Variants in LY86 observed in about 807,000 individuals in gnomAD.
The protein encoded by LY86 is lymphocyte antigen 86.
LY86 carries 20 observed loss-of-function variants against 17.3 expected under a neutral mutation model. The observed-to-expected ratio is 1.15, with a 90% CI of 0.81 to 1.68. The LOEUF (loss-of-function observed/expected upper bound fraction) is 1.68. Among genes scored for constraint, LY86 ranks in the 40% most tolerant of loss-of-function variants. The pLI is 0.00. For missense variants in LY86, 200 were observed against 191.9 expected, an observed-to-expected ratio of 1.04 and a Z score of -0.25; for synonymous variants, 74 against 70.6, an observed-to-expected ratio of 1.05 and a Z score of -0.24.
chr6:6,640,067 A>C (rs988452090), intron 3 of LY86, among the ~76,000 whole-genome samples: 2 of 152,116 alleles, frequency 1.3e-5, no homozygotes, highest in Non-Finnish European at 1.5e-5. Flanking sequence ...GGCTTCCCTT[A>C]TTGGGCCATT....
intron 1 of LY86, among the ~76,000 whole-genome samples, chr6:6,624,401 T>TGGGATGGGATGGGATGGGATGGGAG (rs1358975139): frequency 1.1e-5 from 1 of 91,310 alleles, no homozygotes; most frequent in African/African-American, 5.2e-5. Flanking sequence ...TGGGATGGGA[T>TGGGATGGGATGGGATGGGATGGGAG]GGGATGGGTT....
intron 1 of LY86, among the ~76,000 whole-genome samples, chr6:6,604,934 T>C (rs1386953279): frequency 2.0e-5 from 3 of 149,864 alleles, no homozygotes; most frequent in East Asian, 2.0e-4. Flanking sequence ...AAAGAGAAAA[T>C]AACAATCAAC....
intron 1 of LY86, among the ~76,000 whole-genome samples, chr6:6,596,517 A>G (rs4960218): frequency 0.77 from 117,221 of 152,164 alleles, 47,475 homozygotes; most frequent in Non-Finnish European, 0.9. Flanking sequence ...AGGATATAAA[A>G]GTATAATTTA....
Position 6,640,390 on chromosome 6 carries a change from T to A in LY86, c.353-9235T>A, listed in dbSNP as rs574339903. ...CTGGGCAACATAGAGAAACCCCATC[T>A]CTGGAAAAAAATAAAAATAAAAAAA... On this transcript the variant is annotated intron_variant, in intron 3 of 4. Transcript: ENST00000230568. Among the ~76,000 whole-genome samples the A allele has an allele frequency of 1.2e-4, 18 of 149,302 alleles. No individual in the cohort carries two copies. In the East Asian group the frequency reaches 3.5e-3, roughly 29 times the overall value.
chr6:6,605,726 TAC>T (rs1224176662), intron 1 of LY86, among the ~76,000 whole-genome samples: 2 of 152,254 alleles, frequency 1.3e-5, no homozygotes, highest in Non-Finnish European at 2.9e-5. Flanking sequence ...CGGTGAGTGT[TAC>T]AGTTCTTAAA....
chr6:6,639,896 CTG>C (rs1381141011), intron 3 of LY86, among the ~76,000 whole-genome samples: 3 of 152,160 alleles, frequency 2.0e-5, no homozygotes, highest in African/African-American at 4.8e-5. Flanking sequence ...AGGCCCAAAA[CTG>C]TGTATAATAC....
At chr6:6,605,096 A>C (rs1761061123) in intron 1 of LY86, among the ~76,000 whole-genome samples, 1 of 152,124 alleles carries the variant, frequency 6.6e-6, no homozygotes, top group Admixed American at 6.5e-5. Flanking sequence ...GGGTACTTGA[A>C]ATGACCCCAG....
intron 3 of LY86, among the ~76,000 whole-genome samples, chr6:6,645,577 G>A (rs1008248057): frequency 6.6e-6 from 1 of 151,944 alleles, no homozygotes; most frequent in African/African-American, 2.4e-5. Context: ...ACAGCAATTT[G>A]TAGAATTTGT....
intron 1 of LY86, among the ~76,000 whole-genome samples, chr6:6,616,829 C>A (rs530941927): frequency 6.6e-6 from 1 of 152,328 alleles, no homozygotes; most frequent in South Asian, 2.1e-4. Flanking sequence ...GTCACGTAAA[C>A]CACCCTGTGC....
chr6:6,593,406 T>C (rs139911532), intron 1 of LY86, among the ~76,000 whole-genome samples: 4 of 134,162 alleles, frequency 3.0e-5, no homozygotes, highest in East Asian at 2.7e-4. Context: ...CTGCAAAGTC[T>C]CTTTTGCCAA....
chr6:6,592,736 G>C (rs1169979101), intron 1 of LY86, among the ~76,000 whole-genome samples: 1 of 152,194 alleles, frequency 6.6e-6, no homozygotes, highest in Admixed American at 6.5e-5. Flanking sequence ...ATGAGAAGGT[G>C]GCTGTCTGTA....
chr6:6,653,112 G>A (rs1005384), intron 4 of LY86, among the ~76,000 whole-genome samples: 23,348 of 152,122 alleles, frequency 0.15, 1,909 homozygotes, highest in South Asian at 0.23. Flanking sequence ...TGTGACTCAT[G>A]GGAGCGTCTA....
At chr6:6,606,162 T>A (rs570788532) in intron 1 of LY86, among the ~76,000 whole-genome samples, 1 of 152,136 alleles carries the variant, frequency 6.6e-6, no homozygotes, top group Admixed American at 6.5e-5. Flanking sequence ...AGGGCACTGA[T>A]TGGTGCGTTT....
intron 3 of LY86, among the ~76,000 whole-genome samples, chr6:6,641,220 A>C (rs1762034826): frequency 6.6e-6 from 1 of 152,262 alleles, no homozygotes. Context: ...TCCTCCAACA[A>C]ACGGCCATTT....
chr6:6,588,978 C>A, intron 1 of LY86, 108 bp downstream of exon 1: 1 of 1,369,402 alleles, frequency 7.3e-7, no homozygotes, highest in Non-Finnish European at 9.8e-7. Flanking sequence ...AGGGGACCAG[C>A]AGCTGAACAC....
chr6:6,603,615 C>CAAAA (rs1221531073), intron 1 of LY86, among the ~76,000 whole-genome samples: 4 of 114,170 alleles, frequency 3.5e-5, no homozygotes, highest in East Asian at 2.5e-4. Context: ...GAAAAAAAAA[C>CAAAA]AAACAAAAAA....
At chr6:6,651,123 C>T (rs1762180510) in intron 4 of LY86, among the ~76,000 whole-genome samples, 1 of 152,310 alleles carries the variant, frequency 6.6e-6, no homozygotes, top group East Asian at 1.9e-4. Flanking sequence ...TTCATCCATA[C>T]ATAGACACTT....
chr6:6,593,593 G>T (rs542090041), intron 1 of LY86, among the ~76,000 whole-genome samples: 3 of 152,230 alleles, frequency 2.0e-5, no homozygotes, highest in Non-Finnish European at 4.4e-5. Flanking sequence ...TATCTTTGCT[G>T]CTGATGATTT....
chr6:6,605,598 A>C (rs1458722298), intron 1 of LY86, among the ~76,000 whole-genome samples: 1 of 152,270 alleles, frequency 6.6e-6, no homozygotes, highest in African/African-American at 2.4e-5. Context: ...TCATAGTCTC[A>C]TGACATTGCA....
Sources: gnomAD v4.1 joint callset for allele counts (sites outside exome capture counted in the v4.1 genomes callset) on GRCh38, gnomAD v4.1.1 for gene constraint, MANE v1.5 for transcripts, NCBI Gene and HGNC (gene_info 2026-07-23, HGNC 2026-07-21) for gene names.